Variants in RGS3 observed in about 807,000 individuals in gnomAD.
RGS3 encodes regulator of G-protein signalling 3.
Under a neutral mutation model 132.6 loss-of-function variants are expected in RGS3, and 80 were observed. That is an observed-to-expected ratio of 0.60 (90% CI 0.50 to 0.73). The LOEUF (loss-of-function observed/expected upper bound fraction) is 0.73. Ranked by LOEUF, RGS3 falls within the 30% of genes least tolerant of loss-of-function variation. The probability of loss-of-function intolerance (pLI) is 0.00; values close to 1 mark genes in which losing one functional copy is unlikely to be tolerated. For missense variants in RGS3, 1,382 were observed against 1,530.8 expected (o/e 0.90, Z 1.62); for synonymous variants, 598 against 620.6 (o/e 0.96, Z 0.54).
At chr9:113,589,637 C>T (rs998001828) in intron 20 of RGS3, among the ~76,000 whole-genome samples, 4 of 152,188 alleles carry the variant, frequency 2.6e-5, no homozygotes, top group Admixed American at 2.6e-4. Flanking sequence ...CTCTTTCCCA[C>T]GGGTGGGGGC....
At chr9:113,509,279 T>A (rs1316504834) in intron 14 of RGS3, among the ~76,000 whole-genome samples, 1 of 150,692 alleles carries the variant, frequency 6.6e-6, no homozygotes, top group Non-Finnish European at 1.5e-5. Context: ...AGCGAGACTC[T>A]GTCTAAAAAA....
Position 113,506,399 on chromosome 9 carries a change from G to C in RGS3, c.991G>C (p.Glu331Gln), listed in dbSNP as rs776898980. 6.3e-7 allele frequency: 1 copy of C among 1,588,500 alleles called. No homozygotes were observed. The highest frequency in any genetic ancestry group is 1.3e-5 in the African/African-American group (1 of 74,858). ...CTTTGTCCCTGCAGGGGGTCCGGCG[G>C]AACGGGCAGGGCTGCAGCAGCTGGA... The change falls in exon 12 of 25, where the codon GAA (glutamate) becomes CAA (glutamine). Residue 331 changes from glutamate (E) to glutamine (Q), a missense_variant. Glu to Gln is a conservative substitution (Grantham distance 29, BLOSUM62 2). Coordinates refer to ENST00000350696, the Ensembl canonical transcript of RGS3. The surrounding 1 kb of genome is among the most constrained non-coding windows in gnomAD (Gnocchi z 4.7).
chr9:113,488,397 G>T (rs1830402667), intron 7 of RGS3, among the ~76,000 whole-genome samples: 1 of 152,206 alleles, frequency 6.6e-6, no homozygotes, highest in South Asian at 2.1e-4. Context: ...AAGGCAGTGG[G>T]TGAAATTCTG....
At chr9:113,595,716 A>T (rs1835738824) in exon 24 of RGS3, 1 of 1,614,066 alleles carries the variant, frequency 6.2e-7, no homozygotes, top group South Asian at 1.1e-5. Flanking sequence ...ATGGCATCCA[A>T]GGCCAAGAAG....
chr9:113,548,458 C>T (rs1373062096), intron 19 of RGS3, among the ~76,000 whole-genome samples: 2 of 152,192 alleles, frequency 1.3e-5, no homozygotes, highest in Non-Finnish European at 2.9e-5. Flanking sequence ...CTGTGTTTTA[C>T]CTGCAGCTAG....
chr9:113,445,033 AC>A (rs1829072730), intron 1 of RGS3: 1 of 152,116 alleles, frequency 6.6e-6, no homozygotes. Flanking sequence ...ACTTATTTAA[AC>A]CAACAAAAAG....
At chr9:113,523,844 C>T (rs547337441) in intron 17 of RGS3, among the ~76,000 whole-genome samples, 27 of 152,260 alleles carry the variant, frequency 1.8e-4, no homozygotes, top group African/African-American at 5.8e-4. Flanking sequence ...GGGGTTTGCT[C>T]GGGAAAGCTT....
chr9:113,536,609 C>A, intron 18 of RGS3, 187 bp from the exon 17 acceptor site: 1 of 1,437,930 alleles, frequency 7.0e-7, no homozygotes, highest in Non-Finnish European at 9.1e-7. Flanking sequence ...GCCCTTGAAC[C>A]CACTTCCCTG....
rs574786130 is a variant in RGS3, at chr9:113,548,372, G to C, written c.2037+11454G>C. 5.3e-5 allele frequency among the ~76,000 whole-genome samples: 8 copies of C among 152,348 alleles called. No individual in the cohort carries two copies. In the East Asian group the frequency reaches 1.5e-3, roughly 29 times the overall value. Reference sequence around the variant, plus strand: ...AGAAAGCAGCTCAGCTAGTGGCGTGGGGAGAGGTTGTCTAGTCCTCTGGCT... The same window carrying C: ...AGAAAGCAGCTCAGCTAGTGGCGTGCGGAGAGGTTGTCTAGTCCTCTGGCT... On this transcript the variant is annotated intron_variant, in intron 19 of 24. Transcript: ENST00000350696.
In RGS3 at chr9:113,497,237, T is replaced by C. The variant is rs1385199164; in HGVS notation, c.751-77T>C. The stretch of plus-strand genomic sequence containing the variant: ...TGGGTGGGTGTCCAGTGGCTACTTT[T>C]GGAGGGGGATTGGTGGCTGCCTGAC... On this transcript the variant is annotated intron_variant, in intron 8 of 24. Coordinates refer to ENST00000350696, the Ensembl canonical transcript of RGS3. 6.7e-6 allele frequency: 8 copies of C among 1,187,036 alleles called. No homozygotes were observed. In the Admixed American group the frequency reaches 7.4e-5, roughly 11 times the overall value. 73.5% of individuals were successfully genotyped at this position (1,187,036 alleles called of 1,614,324 possible).
At chr9:113,589,317 AT>A (rs1835289398) in intron 20 of RGS3, 1 of 152,220 alleles carries the variant, frequency 6.6e-6, no homozygotes, top group Non-Finnish European at 1.5e-5. Flanking sequence ...AGGGCTGGGA[AT>A]CAGAACCCGA....
intron 19 of RGS3, among the ~76,000 whole-genome samples, chr9:113,559,310 T>A (rs1393444996): frequency 6.6e-6 from 1 of 152,228 alleles, no homozygotes; most frequent in Non-Finnish European, 1.5e-5. Flanking sequence ...GGCCAGCATG[T>A]GGCTGGTTGG....
At chr9:113,474,662 A>G (rs1829936190) in intron 3 of RGS3, among the ~76,000 whole-genome samples, 2 of 152,182 alleles carry the variant, frequency 1.3e-5, no homozygotes, top group Admixed American at 6.5e-5. Context: ...TGTAGACCCA[A>G]CTGCCTTCAT....
At chr9:113,570,303 G>A (rs1834229983) in intron 19 of RGS3, 2 of 152,332 alleles carry the variant, frequency 1.3e-5, no homozygotes, top group South Asian at 4.1e-4. Flanking sequence ...GCGTGGATCT[G>A]ACACTGAGCA....
intron 19 of RGS3, among the ~76,000 whole-genome samples, chr9:113,571,206 A>G (rs988987616): frequency 2.0e-5 from 3 of 152,234 alleles, no homozygotes; most frequent in Non-Finnish European, 4.4e-5. Flanking sequence ...TGGTGCTGCT[A>G]TGAATATTCT....
chr9:113,517,763 G>A (rs964685006), intron 16 of RGS3, 139 bp downstream of exon 14: 19 of 622,426 alleles, frequency 3.1e-5, no homozygotes, highest in Non-Finnish European at 4.7e-5. Flanking sequence ...GAAGGACCCC[G>A]CCACTCTCCC....
At chr9:113,478,467 G>A (rs1031347332) in intron 3 of RGS3, among the ~76,000 whole-genome samples, 2 of 151,812 alleles carry the variant, frequency 1.3e-5, no homozygotes, top group South Asian at 2.1e-4. Flanking sequence ...TCCCTCCCCC[G>A]CCAGATACAT....
At chr9:113,466,382 A>T (rs1034074606) in intron 3 of RGS3, among the ~76,000 whole-genome samples, 2 of 152,236 alleles carry the variant, frequency 1.3e-5, no homozygotes, top group Non-Finnish European at 2.9e-5. Flanking sequence ...TCATCTATGG[A>T]AATATAAAGA....
At chr9:113,563,179 A>T (rs975794681) in intron 19 of RGS3, among the ~76,000 whole-genome samples, 1 of 152,236 alleles carries the variant, frequency 6.6e-6, no homozygotes, top group African/African-American at 2.4e-5. Flanking sequence ...GACTCAGCAC[A>T]CTGGGTTGGC....
Sources: allele counts gnomAD v4.1 joint callset (sites outside exome capture counted in the v4.1 genomes callset), GRCh38; gene constraint gnomAD v4.1.1; non-coding constraint Gnocchi (gnomAD v3.1); transcripts MANE v1.5; gene names NCBI Gene and HGNC (gene_info 2026-07-23, HGNC 2026-07-21).